The following USP40 variants were observed in gnomAD, a reference collection of about 807,000 sequenced individuals.
The protein encoded by USP40 is ubiquitin carboxyl-terminal hydrolase 40.
Under a neutral mutation model 166.2 loss-of-function variants are expected in USP40, and 143 were observed. That is an observed-to-expected ratio of 0.86 (90% confidence interval 0.75 to 0.99). The LOEUF (loss-of-function observed/expected upper bound fraction) is 0.99. USP40 is among the 50% of genes least tolerant of loss of function. The probability of loss-of-function intolerance (pLI) is 0.00; values close to 1 mark genes in which losing one functional copy is unlikely to be tolerated. For missense variants in USP40, 1,444 were observed against 1,479.7 expected (o/e 0.98, Z 0.40); for synonymous variants, 498 against 524.0 (o/e 0.95, Z 0.68).
At chr2:233,523,744 G>A (rs1386032002) in intron 15 of USP40, among the ~76,000 whole-genome samples, 1 of 152,100 alleles carries the variant, frequency 6.6e-6, no homozygotes, top group Non-Finnish European at 1.5e-5. Context: ...TGGTGATGAA[G>A]CCAGATTGGC....
chr2:233,503,627 G>A (rs868661148), intron 21 of USP40, among the ~76,000 whole-genome samples: 48 of 144,438 alleles, frequency 3.3e-4, no homozygotes, highest in African/African-American at 1.2e-3. Flanking sequence ...GGGTAATATA[G>A]GAAAGAAAAA....
intron 21 of USP40, among the ~76,000 whole-genome samples, chr2:233,507,517 T>C (rs941736038): frequency 5.9e-5 from 9 of 152,120 alleles, no homozygotes; most frequent in Admixed American, 2.0e-4. Flanking sequence ...ATCCTGTTAT[T>C]TGTGACAACA....
At chr2:233,537,993 T>C (rs2069060382) in intron 10 of USP40, among the ~76,000 whole-genome samples, 1 of 152,104 alleles carries the variant, frequency 6.6e-6, no homozygotes, top group South Asian at 2.1e-4. Context: ...AATGGTAAAA[T>C]ATAAGAAGGC....
rs775366640 is a variant in USP40, at chr2:233,493,383, C to G, written c.2917+42G>C. The G allele has an allele frequency of 6.2e-7, 1 of 1,613,760 alleles. No homozygotes were observed. Among genetic ancestry groups the G allele is most frequent in the South Asian group, 1.1e-5 (1 of 91,006 alleles). On this transcript the variant is annotated intron_variant, in intron 25 of 31. Transcript: ENST00000678225. This position sits in a 1 kb window ranked among gnomAD's most constrained non-coding sequence, Gnocchi z 4.7. ...GAGCACAGGCAGTCAATTTACTTCT[C>G]TTTATGATGCACTGGCTGCTGAAAT...
chr2:233,491,915 T>C (rs953698192), intron 25 of USP40, among the ~76,000 whole-genome samples: 2 of 152,248 alleles, frequency 1.3e-5, no homozygotes, highest in African/African-American at 2.4e-5. Flanking sequence ...TAACTGTCTT[T>C]ACTGCTGAGC....
rs151086865 is a variant in USP40 at position 233,502,489 on chromosome 2, T to C, written c.2614-2574A>G. On this transcript the variant is annotated intron_variant, in intron 21 of 31. Transcript: ENST00000678225. The stretch of plus-strand genomic sequence containing the variant: ...TTTCTTTGAGTGTCATGTCAAAGGG[T>C]CAAAAAGTGCTCAAAAAGTTTTGGA... Among the ~76,000 whole-genome samples, 672 of 151,934 alleles carry C rather than the reference T, an allele frequency of 4.4e-3. 7 individuals carry two copies. Among genetic ancestry groups the C allele is most frequent in the African/African-American group, 0.015 (632 of 41,432 alleles).
At chr2:233,502,040 A>G (rs2066105960) in intron 21 of USP40, among the ~76,000 whole-genome samples, 1 of 152,244 alleles carries the variant, frequency 6.6e-6, no homozygotes, top group South Asian at 2.1e-4. Context: ...AATGTTGGTG[A>G]TAGAGCAAGT....
chr2:233,554,425 G>A lies in USP40; in HGVS notation c.648C>T (p.Asn216=). Residue 216 remains asparagine (N), a synonymous_variant, in exon 6 of 32, where the codon AAC becomes AAT. Coordinates refer to ENST00000678225, the MANE Select transcript of USP40 (RefSeq NM_001365479.2). ...TGTCACAAGTTCCACAGTGGTACAA[G>A]TTGTCACAATCAAAAACTTCCTCTT... ...YVEEEVFDCD[N]LYHCGTCDRL... 1.2e-6 allele frequency: 2 copies of A among 1,613,230 alleles called. No individual in the cohort carries two copies. Among genetic ancestry groups the A allele is most frequent in the Non-Finnish European group, 1.7e-6 (2 of 1,179,596 alleles).
At chr2:233,518,566 CA>C (rs61393952) in intron 18 of USP40, among the ~76,000 whole-genome samples, 18,797 of 78,052 alleles carry the variant, frequency 0.24, 669 homozygotes, top group Non-Finnish European at 0.26. Context: ...GACTCTGTCT[CA>C]AAAAAAAAAA....
In USP40 at chr2:233,562,714, A is replaced by G. The variant is rs1553583442; in HGVS notation, c.267+22T>C. 753 of 1,463,058 alleles carry G rather than the reference A, an allele frequency of 5.1e-4. 6 individuals carry two copies. In the African/African-American group the frequency reaches 8.5e-3, roughly 17 times the overall value. 90.6% of individuals were successfully genotyped at this position (1,463,058 alleles called of 1,614,324 possible). On this transcript the variant is annotated intron_variant, in intron 3 of 31. Coordinates refer to ENST00000678225, the MANE Select transcript of USP40 (RefSeq NM_001365479.2). ...CATGTACCCTAAAACTTAAAGTATA[A>G]TAATAATAATAATAAAAATACCTTT...
At chr2:233,520,929 T>G in intron 17 of USP40, 62 bp downstream of exon 17, 1 of 1,550,862 alleles carries the variant, frequency 6.4e-7, no homozygotes, top group Non-Finnish European at 8.7e-7. Context: ...AGGTATTGTT[T>G]TCTAAATAAA....
rs879790967 is a variant in USP40, at chr2:233,482,363, C to CA, written c.3505-1067dup. ...TGGGTGACAGAGTGAGACTCTGTCT[C>CA]AAAAAAAAAAAAAAATCTGTCAATT... On this transcript the variant is annotated intron_variant, in intron 30 of 31. Transcript: ENST00000678225. Among the ~76,000 whole-genome samples the CA allele has an allele frequency of 6.6e-3, 787 of 119,272 alleles. 3 individuals are homozygous for CA. The highest frequency in any genetic ancestry group is 7.5e-3 in the Admixed American group (87 of 11,598). The allele number at this position is 119,272 out of a possible 152,430, so 78.2% of individuals were successfully genotyped here.
chr2:233,543,876 G>C (rs747302350), intron 8 of USP40, among the ~76,000 whole-genome samples: 2 of 152,240 alleles, frequency 1.3e-5, no homozygotes, highest in Non-Finnish European at 2.9e-5. Flanking sequence ...ACAGGGCAGA[G>C]TTGGGGAGAG....
chr2:233,497,674 A>G (rs138017346), intron 23 of USP40, among the ~76,000 whole-genome samples: 307 of 152,364 alleles, frequency 2.0e-3, no homozygotes, highest in Non-Finnish European at 2.8e-3. Context: ...TTAATAGAGA[A>G]GAAAATGCTG....
At chr2:233,498,421 C>T in intron 23 of USP40, 127 bp downstream of exon 23, 1 of 795,220 alleles carries the variant, frequency 1.3e-6, no homozygotes, top group Non-Finnish European at 2.0e-6. Flanking sequence ...TAAAATAGAC[C>T]CATTCATAGA....
chr2:233,529,271 A>AG (rs2068301408), intron 12 of USP40, among the ~76,000 whole-genome samples, 160 bp downstream of exon 12: 1 of 152,244 alleles, frequency 6.6e-6, no homozygotes, highest in Non-Finnish European at 1.5e-5. Context: ...TCAGAGTTAA[A>AG]GTTACCCTCA....
At position 233,533,791 on chromosome 2, in the gene USP40, C is replaced by CA. The variant is rs11332355; in HGVS notation, c.1171-13dup. ...TGGAGCTGTAAGAACTACACAGAAA[C>CA]AAAAAAAAAAATGCTAAGTTAATTA... On this transcript the variant is annotated splice_polypyrimidine_tract_variant and intron_variant, in intron 10 of 31. Coordinates refer to ENST00000678225, the MANE Select transcript of USP40 (RefSeq NM_001365479.2). 9,203 of 1,308,938 alleles carry CA rather than the reference C, an allele frequency of 7.0e-3. 14 individuals are homozygous for CA. Among genetic ancestry groups the CA allele is most frequent in the Admixed American group, 8.6e-3 (293 of 34,236 alleles). The allele number at this position is 1,308,938 out of a possible 1,614,324, so 81.1% of individuals were successfully genotyped here. A position where few individuals can be genotyped will look rare whatever the true frequency, so the allele number is the denominator to read the frequency against.
Position 233,525,381 on chromosome 2 carries a change from G to C in USP40, c.1810+97C>G. On this transcript the variant is annotated intron_variant, in intron 14 of 31. Transcript: ENST00000678225. ...AATCTACTTAGTTAAGAAAGTAGTA[G>C]GTGGGGAAGGACTGACAAAGAGTAG... The C allele has an allele frequency of 6.4e-6, 5 of 778,272 alleles. No homozygotes were observed. In the South Asian group the frequency reaches 7.6e-5, roughly 12 times the overall value. 48.2% of individuals were successfully genotyped at this position (778,272 alleles called of 1,614,324 possible).
chr2:233,491,255 G>GA lies in USP40; in HGVS notation c.2923dup (p.Ser975PhefsTer65), dbSNP rs755402222. The GA allele has an allele frequency of 4.3e-5, 69 of 1,610,716 alleles. No homozygotes were observed. Among genetic ancestry groups the GA allele is most frequent in the Non-Finnish European group, 5.5e-5 (65 of 1,178,354 alleles). On this transcript the variant is annotated frameshift_variant, in exon 26 of 32. Coordinates refer to ENST00000678225, the MANE Select transcript of USP40 (RefSeq NM_001365479.2). LOFTEE classifies it high-confidence loss of function. Reference sequence around the variant, plus strand: ...AGAAACTTGCGCAGGCTCGTTCCCAGAAGCACCTTCCAAAGGACAGAGCGG... The same window carrying GA: ...AGAAACTTGCGCAGGCTCGTTCCCAGAAAGCACCTTCCAAAGGACAGAGCGG...
Sources: allele counts gnomAD v4.1 joint callset (sites outside exome capture counted in the v4.1 genomes callset), GRCh38; gene constraint gnomAD v4.1.1; non-coding constraint Gnocchi (gnomAD v3.1); transcripts MANE v1.5; gene names NCBI Gene and HGNC (gene_info 2026-07-23, HGNC 2026-07-21).